The following CPNE4 variants were observed in gnomAD, a reference collection of about 807,000 sequenced individuals.
CPNE4 encodes the protein copine 4.
A neutral mutation model predicts 67.9 loss-of-function variants in CPNE4; 25 were observed. That is an observed-to-expected ratio of 0.37 (90% CI 0.27 to 0.51). The LOEUF is 0.51. CPNE4 is among the 20% of genes least tolerant of loss of function. CPNE4 has a pLI of 0.93. For synonymous variants in CPNE4, 242 were observed against 244.9 expected (o/e 0.99, Z 0.11); for missense variants, 464 against 690.8 (o/e 0.67, Z 3.68).
At chr3:131,940,188 A>T (rs1370514777) in intron 1 of CPNE4, among the ~76,000 whole-genome samples, 1 of 152,126 alleles carries the variant, frequency 6.6e-6, no homozygotes, top group Non-Finnish European at 1.5e-5. Context: ...AAAAGAAAAC[A>T]CAGGTTTGTG....
intron 2 of CPNE4, among the ~76,000 whole-genome samples, chr3:131,729,857 T>A (rs1192614529): frequency 2.0e-5 from 3 of 152,206 alleles, no homozygotes; most frequent in African/African-American, 7.2e-5. Flanking sequence ...TTGTTTCTCC[T>A]TAACAACTTG....
intron 1 of CPNE4, among the ~76,000 whole-genome samples, chr3:132,000,013 C>G (rs537613850): frequency 6.6e-6 from 1 of 150,832 alleles, no homozygotes; most frequent in South Asian, 2.1e-4. Context: ...CAACAACATT[C>G]AATGTACATC....
chr3:131,551,669 T>A (rs1936180988), intron 13 of CPNE4, among the ~76,000 whole-genome samples: 1 of 152,044 alleles, frequency 6.6e-6, no homozygotes, highest in African/African-American at 2.4e-5. Context: ...CCTTACACAC[T>A]CTACTGGATC....
intron 2 of CPNE4, among the ~76,000 whole-genome samples, chr3:131,749,429 T>A (rs1011156569): frequency 6.6e-5 from 10 of 152,130 alleles, no homozygotes; most frequent in African/African-American, 9.7e-5. Flanking sequence ...TACATGTTGC[T>A]GGTTTGGAGT....
chr3:131,569,603 A>G (rs938824136), intron 10 of CPNE4, among the ~76,000 whole-genome samples: 1 of 151,452 alleles, frequency 6.6e-6, no homozygotes, highest in Non-Finnish European at 1.5e-5. Context: ...GTGCTACTGC[A>G]CTGCACTCCG....
At chr3:131,836,392 G>C (rs573066900) in intron 2 of CPNE4, among the ~76,000 whole-genome samples, 87 of 152,258 alleles carry the variant, frequency 5.7e-4, no homozygotes, top group African/African-American at 2.0e-3. Flanking sequence ...AAAAGCCTTT[G>C]ATAAAATTTA....
chr3:131,736,177 T>C (rs1376679997), intron 2 of CPNE4, among the ~76,000 whole-genome samples: 1 of 151,422 alleles, frequency 6.6e-6, no homozygotes, highest in Non-Finnish European at 1.5e-5. Flanking sequence ...ATTAACTTAA[T>C]ACCTGGACTT....
At chr3:131,549,479 A>G (rs1936054104) in intron 14 of CPNE4, among the ~76,000 whole-genome samples, 1 of 152,154 alleles carries the variant, frequency 6.6e-6, no homozygotes, top group African/African-American at 2.4e-5. Context: ...GCAATAGAAT[A>G]TGAAACCAAT....
intron 5 of CPNE4, 37 bp from the exon 6 acceptor site, chr3:131,685,995 C>T (rs1401015462): frequency 2.5e-6 from 3 of 1,186,846 alleles, no homozygotes; most frequent in Non-Finnish European, 3.8e-6. Context: ...GTTTTTCCTC[C>T]TGCATTTGAT....
At chr3:131,798,026 A>T (rs555680765) in intron 2 of CPNE4, among the ~76,000 whole-genome samples, 1 of 152,184 alleles carries the variant, frequency 6.6e-6, no homozygotes, top group African/African-American at 2.4e-5. Context: ...ACTGAGAAAG[A>T]GACCTCTGGT....
intron 7 of CPNE4, among the ~76,000 whole-genome samples, chr3:131,632,957 G>T (rs1235879000): frequency 6.6e-6 from 1 of 152,046 alleles, no homozygotes; most frequent in Non-Finnish European, 1.5e-5. Flanking sequence ...TATCTCTCCA[G>T]TCCAGACCTT....
intron 1 of CPNE4, among the ~76,000 whole-genome samples, chr3:131,970,798 G>C (rs558952961): frequency 1.3e-5 from 2 of 152,312 alleles, no homozygotes; most frequent in South Asian, 4.1e-4. Context: ...GTAGGGGTTA[G>C]TGGAGGATTG....
intron 1 of CPNE4, among the ~76,000 whole-genome samples, chr3:131,967,309 G>C (rs1180209034): frequency 6.6e-6 from 1 of 152,154 alleles, no homozygotes; most frequent in Non-Finnish European, 1.5e-5. Flanking sequence ...TTGAAAACTG[G>C]CACAAGACAA....
At chr3:131,627,815 T>C (rs1207763645) in intron 7 of CPNE4, among the ~76,000 whole-genome samples, 1 of 152,298 alleles carries the variant, frequency 6.6e-6, no homozygotes, top group African/African-American at 2.4e-5. Flanking sequence ...GAAGATGTGA[T>C]TGAATTGCTG....
At chr3:131,909,015 A>T (rs1408409855) in intron 1 of CPNE4, among the ~76,000 whole-genome samples, 1 of 152,190 alleles carries the variant, frequency 6.6e-6, no homozygotes, top group Non-Finnish European at 1.5e-5. Flanking sequence ...TTTCACTACC[A>T]ACTGAAAAAC....
chr3:131,669,250 C>T (rs549819782), intron 7 of CPNE4, among the ~76,000 whole-genome samples: 2 of 152,258 alleles, frequency 1.3e-5, no homozygotes, highest in African/African-American at 4.8e-5. Flanking sequence ...ACAGAAGAAT[C>T]ACCTAGATTA....
At chr3:131,555,423 A>G (rs1936407755) in intron 12 of CPNE4, 74 bp downstream of exon 12, 1 of 1,320,858 alleles carries the variant, frequency 7.6e-7, no homozygotes, top group African/African-American at 1.4e-5. Flanking sequence ...GGAGTGTGAG[A>G]CTGCTGCAAA....
In CPNE4 at chr3:132,012,946, G is replaced by A. The variant is rs181756949; in HGVS notation, c.-2+21621C>T. 6.1e-3 allele frequency among the ~76,000 whole-genome samples: 928 copies of A among 152,282 alleles called. 5 individuals are homozygous for A. Among genetic ancestry groups the A allele is most frequent in the Admixed American group, 9.4e-3 (143 of 15,294 alleles). On this transcript the variant is annotated intron_variant, in intron 1 of 15. Coordinates refer to ENST00000429747, the MANE Select transcript of CPNE4 (RefSeq NM_130808.3). The stretch of plus-strand genomic sequence containing the variant: ...TTTAAGAATTCATGTATCTTGGCTG[G>A]GCACAGTGGCTCATGCCTGTAATCC...
intron 1 of CPNE4, among the ~76,000 whole-genome samples, chr3:131,955,410 GTTTT>G (rs766033406): frequency 1.4e-4 from 6 of 42,268 alleles, no homozygotes; most frequent in South Asian, 2.0e-3. Context: ...TGTATGTAAG[GTTTT>G]TTTTTTTTTT....
Sources: gnomAD v4.1 joint callset for allele counts (sites outside exome capture counted in the v4.1 genomes callset) on GRCh38, gnomAD v4.1.1 for gene constraint, MANE v1.5 for transcripts, NCBI Gene and HGNC (gene_info 2026-07-23, HGNC 2026-07-21) for gene names.